The following SLC16A14 variants were observed in gnomAD, a reference collection of about 807,000 sequenced individuals.
SLC16A14 encodes solute carrier family 16 member 14.
Under a neutral mutation model 35.8 loss-of-function variants are expected in SLC16A14, and 14 were observed. That is an observed-to-expected ratio of 0.39 (90% CI 0.26 to 0.61). The LOEUF (loss-of-function observed/expected upper bound fraction) is 0.61. Among genes scored for constraint, SLC16A14 ranks in the 20% least tolerant of loss-of-function variants. The pLI, the probability that SLC16A14 is intolerant of heterozygous loss-of-function variation, is 0.51. For missense variants in SLC16A14, 533 were observed against 655.0 expected, an observed-to-expected ratio of 0.81 and a Z score of 2.03; for synonymous variants, 248 against 258.9, an observed-to-expected ratio of 0.96 and a Z score of 0.40.
chr2:230,052,469 T>C (rs982256142), intron 2 of SLC16A14, among the ~76,000 whole-genome samples: 1 of 152,108 alleles, frequency 6.6e-6, no homozygotes. Context: ...AAAAGAAAAA[T>C]GCATGACTTG....
chr2:230,059,115 T>C lies in SLC16A14; in HGVS notation c.238A>G (p.Met80Val). 1 of 1,613,288 alleles carries C rather than the reference T, an allele frequency of 6.2e-7. No homozygotes were observed. The highest frequency in any genetic ancestry group is 8.5e-7 in the Non-Finnish European group (1 of 1,179,598). ...ATACCCACTATCAAGGTGATGCCCA[T>C]GCTGAGGGAGCTGACCCAGGCGGTC... The part of the protein sequence containing the change: ...GLTAWVSSLS[M>V]GITLIVGPFI... The change falls in exon 2 of 5, where the codon ATG (methionine) becomes GTG (valine). Residue 80 changes from methionine (M) to valine (V), a missense_variant. By Grantham distance (21) the Met-to-Val change is conservative (BLOSUM62 1). Coordinates refer to ENST00000295190, the MANE Select transcript of SLC16A14 (RefSeq NM_152527.5).
rs533472264 is a variant in SLC16A14 at position 230,045,991 on chromosome 2, T to C, written c.1135A>G (p.Ile379Val). 22 of 1,613,706 alleles carry C rather than the reference T, an allele frequency of 1.4e-5. No individual in the cohort carries two copies. Among genetic ancestry groups the C allele is most frequent in the Non-Finnish European group, 1.8e-5 (21 of 1,179,710 alleles). ...AACAGGAAGACATTCCAAACACTAA[T>C]GCAAGGCAAGTCGGCTATGACGCCC... The part of the protein sequence containing the change: ...ILGVIADLPC[I>V]SVWNVFLLAN... Residue 379 changes from isoleucine to valine, a missense_variant, in exon 4 of 5, where the codon ATT becomes GTT. By Grantham distance (29) the Ile-to-Val change is conservative. Coordinates refer to ENST00000295190, the MANE Select transcript of SLC16A14 (RefSeq NM_152527.5).
At chr2:230,048,990 T>A (rs1451064883) in intron 3 of SLC16A14, among the ~76,000 whole-genome samples, 1 of 149,606 alleles carries the variant, frequency 6.7e-6, no homozygotes, top group Non-Finnish European at 1.5e-5. Context: ...GTTTCCTTAA[T>A]CTTTTTTAAA....
At chr2:230,056,745 C>G (rs2077708129) in intron 2 of SLC16A14, among the ~76,000 whole-genome samples, 1 of 151,884 alleles carries the variant, frequency 6.6e-6, no homozygotes, top group African/African-American at 2.4e-5. Flanking sequence ...TAGCATATGC[C>G]TGTAGTTTTA....
At chr2:230,055,090 C>T (rs2077694182) in intron 2 of SLC16A14, among the ~76,000 whole-genome samples, 2 of 151,942 alleles carry the variant, frequency 1.3e-5, no homozygotes, top group South Asian at 4.2e-4. Flanking sequence ...TCCCATGGAC[C>T]AGGTTTAAAG....
rs74919108 is a variant in SLC16A14, at chr2:230,044,775, C to T, written c.1381+970G>A. Among the ~76,000 whole-genome samples, 930 of 146,034 alleles carry T rather than the reference C, an allele frequency of 6.4e-3. 14 individuals carry two copies. The highest frequency in any genetic ancestry group is 0.021 in the African/African-American group (798 of 37,760). ...GTGTGTGTGTGTGTAGATGGGGTTT[C>T]GCTGTATTGCCCAGGCTGGTCTTGA... On this transcript the variant is annotated intron_variant, in intron 4 of 4. Coordinates refer to ENST00000295190, the MANE Select transcript of SLC16A14 (RefSeq NM_152527.5).
At chr2:230,054,087 G>A (rs868337074) in intron 2 of SLC16A14, among the ~76,000 whole-genome samples, 14 of 84,392 alleles carry the variant, frequency 1.7e-4, no homozygotes, top group East Asian at 1.6e-3. Context: ...AGCCTGAGGT[G>A]GGGGGGGAAG....
chr2:230,061,209 C>G (rs6756963), intron 1 of SLC16A14, among the ~76,000 whole-genome samples: 72,661 of 152,050 alleles, frequency 0.48, 18,004 homozygotes, highest in African/African-American at 0.58. Flanking sequence ...TCACTACATG[C>G]CAGCAATTCT....
At position 230,046,518 on chromosome 2, in the gene SLC16A14, C is replaced by T; in HGVS notation, c.608G>A (p.Cys203Tyr). The T allele has an allele frequency of 1.2e-6, 2 of 1,614,232 alleles. No homozygotes were observed. Among genetic ancestry groups the T allele is most frequent in the Non-Finnish European group, 1.7e-6 (2 of 1,180,044 alleles). The change falls in exon 4 of 5, where the codon TGT becomes TAT. Residue 203 changes from cysteine (C) to tyrosine (Y), a missense_variant. Cys to Tyr is a radical substitution (Grantham distance 194). Transcript: ENST00000295190. The surrounding 1 kb of genome is among the most constrained non-coding windows in gnomAD (Gnocchi z 5.0). ...LIQGAVSLNL[C>Y]VCGALMRPLS... Reference sequence around the variant, plus strand: ...GGGCCTCATGAGCGCCCCACAAACACACAGGTTTAGGGAAACGGCACCTTG... The same window carrying T: ...GGGCCTCATGAGCGCCCCACAAACATACAGGTTTAGGGAAACGGCACCTTG...
intron 2 of SLC16A14, among the ~76,000 whole-genome samples, chr2:230,057,924 G>A (rs141710830): frequency 0.032 from 4,874 of 152,146 alleles, 103 homozygotes; most frequent in Middle Eastern, 0.058. Flanking sequence ...AGCTACTAGG[G>A]AGGCTGAGGC....
chr2:230,049,052 TTTATTATTATTATTA>T lies in SLC16A14; in HGVS notation c.403+694_403+708del, dbSNP rs60075593. On this transcript the variant is annotated intron_variant, in intron 3 of 4. Transcript: ENST00000295190. ...TCTTTTCTATTTTCACACAGGAGGC[TTTATTATTATTATTA>T]TTATTATTATTATTATTATTGAGAC... is the stretch of plus-strand genomic sequence containing the variant. 2.2e-4 allele frequency among the ~76,000 whole-genome samples: 31 copies of T among 141,604 alleles called. 1 individual carries two copies. The East Asian group carries it at 4.5e-3, about 20-fold the overall frequency. The allele number at this position is 141,604 out of a possible 152,430, so 92.9% of individuals were successfully genotyped here. A position where few individuals can be genotyped will look rare whatever the true frequency, so the allele number is the denominator to read the frequency against.
chr2:230,053,564 C>T (rs1287596894), intron 2 of SLC16A14, among the ~76,000 whole-genome samples: 1 of 152,038 alleles, frequency 6.6e-6, no homozygotes, highest in African/African-American at 2.4e-5. Flanking sequence ...GGGTGGATCA[C>T]GAGGTCAGGA....
chr2:230,059,379 T>C lies in SLC16A14; in HGVS notation c.-14-13A>G. Reference sequence around the variant, plus strand: ...TTCCAAGATTTTTCTGAAATACATATAACAAATAATTTCATGGAACATCAA... The same window carrying C: ...TTCCAAGATTTTTCTGAAATACATACAACAAATAATTTCATGGAACATCAA... On this transcript the variant is annotated splice_polypyrimidine_tract_variant and intron_variant, in intron 1 of 4. Transcript: ENST00000295190. 6.6e-7 allele frequency: 1 copy of C among 1,522,606 alleles called. No individual in the cohort carries two copies. Among genetic ancestry groups the C allele is most frequent in the Non-Finnish European group, 8.8e-7 (1 of 1,131,000 alleles). 94.3% of individuals were successfully genotyped at this position (1,522,606 alleles called of 1,614,324 possible).
intron 4 of SLC16A14, among the ~76,000 whole-genome samples, chr2:230,039,673 A>G (rs932105188): frequency 4.6e-5 from 7 of 152,238 alleles, no homozygotes; most frequent in Admixed American, 4.6e-4. Context: ...AGGTTCTCAT[A>G]GTCCACTCAT....
intron 2 of SLC16A14, among the ~76,000 whole-genome samples, chr2:230,054,532 C>G (rs1276834038): frequency 6.6e-6 from 1 of 152,196 alleles, no homozygotes; most frequent in African/African-American, 2.4e-5. Context: ...TGTACCCTCC[C>G]TTTCTCCTCC....
chr2:230,058,950 T>C, intron 2 of SLC16A14, 144 bp downstream of exon 2: 1 of 1,425,980 alleles, frequency 7.0e-7, no homozygotes, highest in East Asian at 2.5e-5. Flanking sequence ...GTAAATTTTA[T>C]GTTATGCATA....
intron 1 of SLC16A14, among the ~76,000 whole-genome samples, chr2:230,065,732 C>T (rs2077790056): frequency 6.6e-6 from 1 of 152,114 alleles, no homozygotes; most frequent in Admixed American, 6.5e-5. Context: ...GTTTATCCCT[C>T]CAACTCCAAG....
chr2:230,044,704 TTGTGTGTGTG>T (rs751868776), intron 4 of SLC16A14, among the ~76,000 whole-genome samples: 1 of 132,540 alleles, frequency 7.5e-6, no homozygotes, highest in South Asian at 2.5e-4. Flanking sequence ...AAGTCTGTAT[TTGTGTGTGTG>T]TGTGTGTGTG....
intron 1 of SLC16A14, among the ~76,000 whole-genome samples, chr2:230,065,299 C>T (rs542055480): frequency 6.6e-6 from 1 of 152,002 alleles, no homozygotes; most frequent in Non-Finnish European, 1.5e-5. Flanking sequence ...CTCTGTTGTC[C>T]AGGCTGGAGT....
Sources: gnomAD v4.1 joint callset for allele counts (sites outside exome capture counted in the v4.1 genomes callset) on GRCh38, gnomAD v4.1.1 for gene constraint, Gnocchi (gnomAD v3.1) non-coding constraint, MANE v1.5 for transcripts, NCBI Gene and HGNC (gene_info 2026-07-23, HGNC 2026-07-21) for gene names.